Variants in NELL2 observed in about 807,000 individuals in gnomAD.
NELL2 encodes neural EGFL like 2.
In NELL2, 41 loss-of-function variants were observed where a neutral mutation model predicts 109.6. That is an observed-to-expected ratio of 0.37 (90% CI 0.29 to 0.49). NELL2 has a LOEUF of 0.49. Among genes scored for constraint, NELL2 ranks in the 20% least tolerant of loss-of-function variants. The pLI is 0.98. For synonymous variants in NELL2, 355 were observed against 344.7 expected, an observed-to-expected ratio of 1.03 and a Z score of -0.33; for missense variants, 900 against 1,008.3, an observed-to-expected ratio of 0.89 and a Z score of 1.45.
At chr12:44,737,379 A>C (rs1939707254) in intron 9 of NELL2, among the ~76,000 whole-genome samples, 1 of 122,982 alleles carries the variant, frequency 8.1e-6, no homozygotes, top group Non-Finnish European at 1.9e-5. Flanking sequence ...TAAACAAAAA[A>C]CTTGTTTGTT....
chr12:44,681,751 C>T (rs866182771), intron 12 of NELL2, among the ~76,000 whole-genome samples: 1 of 152,226 alleles, frequency 6.6e-6, no homozygotes, highest in East Asian at 1.9e-4. Context: ...ATGAACTCAT[C>T]ATTTTTTATG....
At chr12:44,608,039 TACA>T (rs1255521378) in intron 14 of NELL2, among the ~76,000 whole-genome samples, 2 of 151,896 alleles carry the variant, frequency 1.3e-5, no homozygotes, top group Non-Finnish European at 2.9e-5. Context: ...GACAAGTGAG[TACA>T]ACAAGAGAAG....
chr12:44,818,739 A>T (rs10880691), intron 2 of NELL2, among the ~76,000 whole-genome samples: 90,206 of 104,838 alleles, frequency 0.86, 37,938 homozygotes, highest in Middle Eastern at 0.96. Context: ...TTTTTTTTTT[A>T]TTTTTTTTTT....
intron 15 of NELL2, among the ~76,000 whole-genome samples, chr12:44,579,950 A>G (rs1592149991): frequency 6.6e-6 from 1 of 152,100 alleles, no homozygotes; most frequent in Non-Finnish European, 1.5e-5. Context: ...AAACTGTTAA[A>G]CCATATTCAA....
intron 2 of NELL2, among the ~76,000 whole-genome samples, chr12:44,854,335 G>A (rs970309451): frequency 1.3e-5 from 2 of 152,168 alleles, no homozygotes; most frequent in African/African-American, 4.8e-5. Flanking sequence ...ACAATGCACA[G>A]CACAGGAGTA....
At chr12:44,791,078 T>C (rs375549890) in intron 3 of NELL2, among the ~76,000 whole-genome samples, 3 of 8,182 alleles carry the variant, frequency 3.7e-4, no homozygotes, top group African/African-American at 6.7e-4. Context: ...TATATATATA[T>C]ATACATATAT....
intron 1 of NELL2, among the ~76,000 whole-genome samples, chr12:44,898,765 T>C (rs910761739): frequency 6.6e-6 from 1 of 152,062 alleles, no homozygotes; most frequent in Non-Finnish European, 1.5e-5. Flanking sequence ...ATTTGACAAA[T>C]TGACAGAAGT....
chr12:44,704,547 T>A (rs771333001), intron 11 of NELL2, among the ~76,000 whole-genome samples: 60 of 152,196 alleles, frequency 3.9e-4, no homozygotes, highest in Admixed American at 8.5e-4. Flanking sequence ...TCTCTTTTTG[T>A]GGCCTGAACC....
intron 2 of NELL2, among the ~76,000 whole-genome samples, chr12:44,856,066 AGCAAGG>A (rs1344987080): frequency 2.6e-5 from 4 of 152,232 alleles, no homozygotes; most frequent in African/African-American, 4.8e-5. Flanking sequence ...GTATTCACTT[AGCAAGG>A]GCTTACTAAG....
intron 13 of NELL2, among the ~76,000 whole-genome samples, chr12:44,620,666 T>C (rs543417167): frequency 2.0e-5 from 3 of 152,104 alleles, no homozygotes; most frequent in Admixed American, 6.5e-5. Context: ...GGAGTCACCA[T>C]AGACTCCTCC....
upstream of NELL2, among the ~76,000 whole-genome samples, chr12:44,878,657 A>T (rs926673828): frequency 2.0e-5 from 3 of 152,178 alleles, no homozygotes; most frequent in African/African-American, 7.2e-5. Context: ...ATACATACTT[A>T]ACTTTTCACC....
chr12:44,642,993 CA>C (rs1946917511), intron 13 of NELL2, among the ~76,000 whole-genome samples: 1 of 152,202 alleles, frequency 6.6e-6, no homozygotes, highest in Non-Finnish European at 1.5e-5. Flanking sequence ...CACATACACA[CA>C]TTTAAACCAA....
At chr12:44,523,574 G>A (rs1941636207) in intron 16 of NELL2, 90 bp from the exon 17 acceptor site, 11 of 1,016,118 alleles carry the variant, frequency 1.1e-5, no homozygotes, top group African/African-American at 1.6e-5. Context: ...CTGACATAAG[G>A]TATTCAACTG....
intron 13 of NELL2, among the ~76,000 whole-genome samples, chr12:44,658,456 G>A (rs576989515): frequency 1.3e-5 from 2 of 152,198 alleles, no homozygotes; most frequent in African/African-American, 4.8e-5. Context: ...ACAACAAATG[G>A]AAAAACATTC....
chr12:44,734,975 T>C (rs927711602), intron 9 of NELL2, among the ~76,000 whole-genome samples: 1 of 152,126 alleles, frequency 6.6e-6, no homozygotes, highest in African/African-American at 2.4e-5. Flanking sequence ...GAGGAAGGGA[T>C]GGAACTACTC....
At position 44,899,283 on chromosome 12, in the gene NELL2, G is replaced by A. The variant is rs1208554371; in HGVS notation, c.38+14516C>T. On this transcript the variant is annotated intron_variant, in intron 1 of 20. Transcript: ENST00000333837. ...AGAGAACACCATAATGATACTCCTC[G>A]AGAAGAGCAACCCAAAGACACATAA... Among the ~76,000 whole-genome samples the A allele has an allele frequency of 3.3e-5, 5 of 152,066 alleles. No homozygotes were observed. The South Asian group carries it at 6.2e-4, about 19-fold the overall frequency.
chr12:44,544,328 C>T (rs928884484), intron 15 of NELL2, among the ~76,000 whole-genome samples: 5 of 152,084 alleles, frequency 3.3e-5, no homozygotes, highest in African/African-American at 1.2e-4. Flanking sequence ...ATGGTATAAA[C>T]ATATTGAAAT....
intron 2 of NELL2, among the ~76,000 whole-genome samples, chr12:44,857,850 C>T (rs1944727195): frequency 6.6e-6 from 1 of 152,106 alleles, no homozygotes; most frequent in Admixed American, 6.6e-5. Flanking sequence ...ATCCATATAT[C>T]CTTTACTCCC....
At chr12:44,918,058 T>C (rs1340866392), upstream of NELL2, among the ~76,000 whole-genome samples, 1 of 152,244 alleles carries the variant, frequency 6.6e-6, no homozygotes, top group Non-Finnish European at 1.5e-5. Context: ...TCCTGGTCAC[T>C]ACCTAAAACA....
Sources: allele counts gnomAD v4.1 joint callset (sites outside exome capture counted in the v4.1 genomes callset), GRCh38; gene constraint gnomAD v4.1.1; transcripts MANE v1.5; gene names NCBI Gene and HGNC (gene_info 2026-07-23, HGNC 2026-07-21).